The following RABGAP1L variants were observed in gnomAD, a reference collection of about 807,000 sequenced individuals.
RABGAP1L encodes rab GTPase-activating protein 1-like.
A neutral mutation model predicts 137.7 loss-of-function variants in RABGAP1L; 63 were observed. The observed-to-expected ratio is 0.46, with a 90% CI of 0.37 to 0.56. The LOEUF is 0.56. Among genes scored for constraint, RABGAP1L ranks in the 20% least tolerant of loss-of-function variants. RABGAP1L has a pLI of 0.00. For synonymous variants in RABGAP1L, 431 were observed against 433.7 expected (o/e 0.99, Z 0.08); for missense variants, 1,095 against 1,244.0 (o/e 0.88, Z 1.80).
intron 13 of RABGAP1L, among the ~76,000 whole-genome samples, chr1:174,424,661 A>G (rs1651745860): frequency 1.3e-5 from 2 of 152,208 alleles, no homozygotes; most frequent in South Asian, 4.1e-4. Context: ...GAAATCACAC[A>G]CTTTCTCAAT....
chr1:174,598,737 T>C (rs1400078569), intron 13 of RABGAP1L, among the ~76,000 whole-genome samples: 1 of 152,216 alleles, frequency 6.6e-6, no homozygotes, highest in Non-Finnish European at 1.5e-5. Flanking sequence ...TTTTTTGGTT[T>C]TCATTTGCAT....
chr1:174,410,619 TATC>T (rs1558210825), intron 13 of RABGAP1L, among the ~76,000 whole-genome samples: 1 of 152,196 alleles, frequency 6.6e-6, no homozygotes, highest in Non-Finnish European at 1.5e-5. Flanking sequence ...TTGTACCAAT[TATC>T]ATGCTGTTTT....
chr1:174,256,981 G>A (rs1673187752), intron 7 of RABGAP1L, among the ~76,000 whole-genome samples: 1 of 152,104 alleles, frequency 6.6e-6, no homozygotes, highest in Non-Finnish European at 1.5e-5. Context: ...GTAAACCAGA[G>A]CTTTCCCTTT....
rs538421642 is a variant in RABGAP1L, at chr1:174,291,326, G to T, written c.1323+12547G>T. ...CTTAGGAAAAGTCACCCTTGGTGAT[G>T]ATGGTATTCTTTTTATATATCACTT... On this transcript the variant is annotated intron_variant, in intron 10 of 25. Transcript: ENST00000681986. Among the ~76,000 whole-genome samples, 7 of 152,022 alleles carry T rather than the reference G, an allele frequency of 4.6e-5. No individual in the cohort carries two copies. In the South Asian group the frequency reaches 1.5e-3, roughly 32 times the overall value.
chr1:174,402,212 T>C (rs1376281108), intron 13 of RABGAP1L, among the ~76,000 whole-genome samples: 4 of 152,152 alleles, frequency 2.6e-5, no homozygotes, highest in African/African-American at 9.6e-5. Context: ...AACTGTCACA[T>C]GGTTACTAAA....
At chr1:174,178,791 A>G (rs1002349682) in intron 1 of RABGAP1L, among the ~76,000 whole-genome samples, 5 of 152,198 alleles carry the variant, frequency 3.3e-5, no homozygotes, top group African/African-American at 1.2e-4. Context: ...GTAAGAACAC[A>G]TGGACCCAGG....
chr1:174,351,147 G>A (rs1683150273), intron 11 of RABGAP1L, among the ~76,000 whole-genome samples: 1 of 151,424 alleles, frequency 6.6e-6, no homozygotes, highest in African/African-American at 2.4e-5. Context: ...CTCTTGAAAA[G>A]TTGTAGTTAT....
intron 11 of RABGAP1L, among the ~76,000 whole-genome samples, chr1:174,360,112 G>C (rs1571397693): frequency 6.6e-6 from 1 of 152,094 alleles, no homozygotes; most frequent in Admixed American, 6.6e-5. Flanking sequence ...ATATCCTTTT[G>C]TAGTGGAAAA....
At position 174,973,972 on chromosome 1, in the gene RABGAP1L, G is replaced by GTT. The variant is rs1558297301; in HGVS notation, c.2545-2101_2545-2100dup. ...GAACACTGAAATGAGCAGTACAATTGTTTTTTGTTTTTTTTTTTTTTTTTT... is the reference window on the plus strand; with the variant it reads ...GAACACTGAAATGAGCAGTACAATTGTTTTTTTTGTTTTTTTTTTTTTTTTTT... On this transcript the variant is annotated intron_variant, in intron 21 of 25. Transcript: ENST00000681986. Among the ~76,000 whole-genome samples, 129 of 94,212 alleles carry GTT rather than the reference G, an allele frequency of 1.4e-3. 2 individuals carry two copies. The highest frequency in any genetic ancestry group is 4.9e-3 in the East Asian group (16 of 3,262). The allele number at this position is 94,212 out of a possible 152,430, so 61.8% of individuals were successfully genotyped here.
At chr1:174,415,103 G>T (rs1308583465) in intron 13 of RABGAP1L, among the ~76,000 whole-genome samples, 1 of 151,922 alleles carries the variant, frequency 6.6e-6, no homozygotes, top group Non-Finnish European at 1.5e-5. Context: ...CCATAAACTG[G>T]CTTGTGATTT....
At chr1:174,974,016 T>G (rs1670421757) in intron 21 of RABGAP1L, among the ~76,000 whole-genome samples, 2 of 129,790 alleles carry the variant, frequency 1.5e-5, no homozygotes, top group Non-Finnish European at 3.1e-5. Context: ...TGAGACGGAG[T>G]CTCGCTCTGT....
At chr1:174,264,484 T>C (rs1673880708) in intron 7 of RABGAP1L, among the ~76,000 whole-genome samples, 1 of 152,174 alleles carries the variant, frequency 6.6e-6, no homozygotes, top group African/African-American at 2.4e-5. Flanking sequence ...TTCTCTGACC[T>C]GAGGTCTCCA....
chr1:174,717,269 G>A (rs968269471), intron 17 of RABGAP1L, among the ~76,000 whole-genome samples: 7 of 152,028 alleles, frequency 4.6e-5, no homozygotes, highest in Non-Finnish European at 1.0e-4. Flanking sequence ...AATTTAGGTA[G>A]GCATGCTGGG....
intron 18 of RABGAP1L, among the ~76,000 whole-genome samples, chr1:174,782,294 T>C (rs1687076450): frequency 6.6e-6 from 1 of 152,178 alleles, no homozygotes; most frequent in South Asian, 2.1e-4. Flanking sequence ...CCCTTGTAAG[T>C]TGGATTCCTA....
At chr1:174,368,667 T>TTG in intron 11 of RABGAP1L, among the ~76,000 whole-genome samples, 1 of 152,242 alleles carries the variant, frequency 6.6e-6, no homozygotes, top group South Asian at 2.1e-4. Flanking sequence ...ATTAGTAAGA[T>TTG]TGTGGTATAT....
intron 19 of RABGAP1L, among the ~76,000 whole-genome samples, chr1:174,916,055 T>A (rs1047178321): frequency 6.6e-6 from 1 of 151,630 alleles, no homozygotes; most frequent in Non-Finnish European, 1.5e-5. Flanking sequence ...TATATTTAAG[T>A]CTATAATAAA....
chr1:174,548,455 T>C, intron 13 of RABGAP1L: 1 of 932,658 alleles, frequency 1.1e-6, no homozygotes. Flanking sequence ...TATATCATAT[T>C]ATATGCCTAA....
At chr1:174,904,832 G>T (rs1011559349) in intron 19 of RABGAP1L, among the ~76,000 whole-genome samples, 2 of 151,804 alleles carry the variant, frequency 1.3e-5, no homozygotes, top group African/African-American at 4.8e-5. Flanking sequence ...AAATTTGTTT[G>T]TAGAGACGGG....
intron 18 of RABGAP1L, among the ~76,000 whole-genome samples, chr1:174,810,803 GA>G (rs1689795012): frequency 1.3e-5 from 2 of 151,826 alleles, no homozygotes; most frequent in Admixed American, 1.3e-4. Context: ...AAAATGTAAT[GA>G]AAAAAATAAC....
Sources: gnomAD v4.1 joint callset for allele counts (sites outside exome capture counted in the v4.1 genomes callset) on GRCh38, gnomAD v4.1.1 for gene constraint, MANE v1.5 for transcripts, NCBI Gene and HGNC (gene_info 2026-07-23, HGNC 2026-07-21) for gene names.